The following METAP1D variants were observed in gnomAD, a reference collection of about 807,000 sequenced individuals.
The protein encoded by METAP1D is methionyl aminopeptidase type 1D, mitochondrial.
METAP1D carries 31 observed loss-of-function variants against 40.5 expected under a neutral mutation model. The observed-to-expected ratio is 0.77, with a 90% CI of 0.58 to 1.03. The LOEUF (loss-of-function observed/expected upper bound fraction) is 1.03, where lower values mean the gene tolerates loss of function less well. METAP1D is among the 50% of genes least tolerant of loss of function. The pLI is 0.00. For synonymous variants in METAP1D, 151 were observed against 146.4 expected (o/e 1.03, Z -0.22); for missense variants, 411 against 420.7 (o/e 0.98, Z 0.20).
Position 172,081,097 on chromosome 2 carries a change from C to T in METAP1D, c.*691C>T, listed in dbSNP as rs1322862978. On this transcript the variant is annotated 3_prime_UTR_variant, in exon 10 of 10. Transcript: ENST00000315796. ...CCAGAAACGCGACTTTCCTGGACCCCTGCGGCTCTTCCTCCCCCGCCCACA... is the reference window on the plus strand; with the variant it reads ...CCAGAAACGCGACTTTCCTGGACCCTTGCGGCTCTTCCTCCCCCGCCCACA... 6.5e-6 allele frequency: 1 copy of T among 153,346 alleles called. No individual in the cohort carries two copies. The highest frequency in any genetic ancestry group is 1.5e-5 in the Non-Finnish European group (1 of 68,936). 9.5% of individuals were successfully genotyped at this position (153,346 alleles called of 1,614,324 possible).
At chr2:172,023,139 G>T (rs1689044629) in intron 1 of METAP1D, among the ~76,000 whole-genome samples, 1 of 152,158 alleles carries the variant, frequency 6.6e-6, no homozygotes, top group Non-Finnish European at 1.5e-5. Context: ...AGTGAGCCGA[G>T]ATCATGCCAC....
At chr2:172,011,511 C>G (rs912684077) in intron 1 of METAP1D, among the ~76,000 whole-genome samples, 1 of 151,854 alleles carries the variant, frequency 6.6e-6, no homozygotes, top group Admixed American at 6.6e-5. Context: ...GTCTCGATCT[C>G]CTGACCTCGT....
At chr2:172,052,335 G>A (rs1043079410) in intron 1 of METAP1D, among the ~76,000 whole-genome samples, 2 of 152,174 alleles carry the variant, frequency 1.3e-5, no homozygotes, top group Non-Finnish European at 2.9e-5. Flanking sequence ...GTGGTGTATG[G>A]TGTCCATATC....
At chr2:172,074,701 C>G (rs1275889525) in intron 6 of METAP1D, among the ~76,000 whole-genome samples, 4 of 152,180 alleles carry the variant, frequency 2.6e-5, no homozygotes, top group Middle Eastern at 3.4e-3. Flanking sequence ...GAAGGAATCC[C>G]TGGATTTGTG....
chr2:172,041,022 T>TC (rs1689509234), intron 1 of METAP1D, among the ~76,000 whole-genome samples: 1 of 151,680 alleles, frequency 6.6e-6, no homozygotes, highest in Non-Finnish European at 1.5e-5. Flanking sequence ...CGCCTCGGCC[T>TC]CCCAAAGTGC....
At chr2:172,010,493 CTTTTTTTTT>C (rs759651661) in intron 1 of METAP1D, among the ~76,000 whole-genome samples, 19 of 88,976 alleles carry the variant, frequency 2.1e-4, no homozygotes, top group African/African-American at 8.4e-4. Flanking sequence ...CTTCTTTCCT[CTTTTTTTTT>C]TTTTTTTTTT....
intron 7 of METAP1D, among the ~76,000 whole-genome samples, chr2:172,078,919 AG>A (rs1323175597): frequency 2.0e-5 from 3 of 152,068 alleles, no homozygotes; most frequent in Non-Finnish European, 2.9e-5. Context: ...GGACAGGGAG[AG>A]GGGGCGAGGA....
intron 1 of METAP1D, among the ~76,000 whole-genome samples, chr2:172,040,245 T>G (rs1334905524): frequency 6.6e-6 from 1 of 152,164 alleles, no homozygotes; most frequent in Non-Finnish European, 1.5e-5. Context: ...CGTGAGCCAC[T>G]GCGCCCGGCC....
At chr2:172,045,601 C>T (rs564717009) in intron 1 of METAP1D, among the ~76,000 whole-genome samples, 23 of 126,504 alleles carry the variant, frequency 1.8e-4, no homozygotes, top group African/African-American at 6.1e-4. Context: ...GTGGAGGTTG[C>T]GGTGAGCCGA....
intron 1 of METAP1D, among the ~76,000 whole-genome samples, chr2:172,036,955 TAA>T (rs1689407155): frequency 6.6e-6 from 1 of 152,226 alleles, no homozygotes; most frequent in Non-Finnish European, 1.5e-5. Flanking sequence ...CATGTACTTG[TAA>T]TGTTAAAGTC....
At chr2:172,050,885 ACGGC>A (rs1168054238) in intron 1 of METAP1D, among the ~76,000 whole-genome samples, 1 of 152,216 alleles carries the variant, frequency 6.6e-6, no homozygotes, top group Non-Finnish European at 1.5e-5. Flanking sequence ...CATTTTAACC[ACGGC>A]CCTAATAAAC....
In METAP1D at chr2:172,063,703, TC is replaced by T. The variant is rs1388379297; in HGVS notation, c.199-6del. 3.1e-6 allele frequency: 5 copies of T among 1,608,470 alleles called. No individual in the cohort carries two copies. Among genetic ancestry groups the T allele is most frequent in the Non-Finnish European group, 4.3e-6 (5 of 1,175,412 alleles). ...TCTGATCTTCGTTTTCAATCCTTTT[TC>T]CTCAAGCACATAAAGAAGCCAGACT... On this transcript the variant is annotated splice_region_variant and splice_polypyrimidine_tract_variant and intron_variant, in intron 2 of 9. Coordinates refer to ENST00000315796, the MANE Select transcript of METAP1D (RefSeq NM_199227.3).
intron 1 of METAP1D, among the ~76,000 whole-genome samples, chr2:172,044,936 A>C (rs752745343): frequency 7.6e-6 from 1 of 131,608 alleles, no homozygotes; most frequent in Non-Finnish European, 1.7e-5. Context: ...AACCCAAGAG[A>C]CCTAATAGGA....
chr2:172,034,504 T>G lies in METAP1D; in HGVS notation c.41-26994T>G, dbSNP rs1421162173. 4.6e-5 allele frequency among the ~76,000 whole-genome samples: 7 copies of G among 152,028 alleles called. 1 individual carries two copies. The highest frequency in any genetic ancestry group is 4.6e-4 in the Admixed American group (7 of 15,238). ...TCCCAGTTTACCACCTGGTCCGGGT[T>G]GTTGTGCCAAACTTAATAATATGTA... On this transcript the variant is annotated intron_variant, in intron 1 of 9. Coordinates refer to ENST00000315796, the MANE Select transcript of METAP1D (RefSeq NM_199227.3).
chr2:172,036,686 C>CAA (rs2105426000), intron 1 of METAP1D, among the ~76,000 whole-genome samples: 1 of 152,050 alleles, frequency 6.6e-6, no homozygotes, highest in East Asian at 2.0e-4. Flanking sequence ...TTTTCTATTA[C>CAA]AAACAGTCTG....
At chr2:172,021,740 C>T (rs1689012804) in intron 1 of METAP1D, 1 of 152,240 alleles carries the variant, frequency 6.6e-6, no homozygotes, top group Non-Finnish European at 1.5e-5. Flanking sequence ...CGAGTACCTG[C>T]CCTCCGGATA....
At chr2:172,075,232 C>G (rs922552972) in intron 6 of METAP1D, among the ~76,000 whole-genome samples, 1 of 152,188 alleles carries the variant, frequency 6.6e-6, no homozygotes, top group African/African-American at 2.4e-5. Context: ...CACAAGTGTG[C>G]TTGGGTTCAT....
intron 1 of METAP1D, among the ~76,000 whole-genome samples, chr2:172,024,754 G>GTGTGTGTGTGTGTA (rs1553491369): frequency 0.011 from 994 of 90,228 alleles, 7 homozygotes; most frequent in Middle Eastern, 0.022. Flanking sequence ...TAGATTGTGT[G>GTGTGTGTGTGTGTA]TGTGTGTGTG....
chr2:172,024,960 G>A (rs1689092970), intron 1 of METAP1D, among the ~76,000 whole-genome samples: 1 of 152,092 alleles, frequency 6.6e-6, no homozygotes, highest in African/African-American at 2.4e-5. Flanking sequence ...TTCCTTCAGG[G>A]TCTCATAGTG....
Sources: allele counts gnomAD v4.1 joint callset (sites outside exome capture counted in the v4.1 genomes callset), GRCh38; gene constraint gnomAD v4.1.1; transcripts MANE v1.5; gene names NCBI Gene and HGNC (gene_info 2026-07-23, HGNC 2026-07-21).